Variants in RORA observed in about 807,000 individuals in gnomAD.
RORA encodes the protein nuclear receptor ROR-alpha.
Under a neutral mutation model 69.5 loss-of-function variants are expected in RORA, and 7 were observed. That is an observed-to-expected ratio of 0.10 (90% CI 0.06 to 0.19). The LOEUF (loss-of-function observed/expected upper bound fraction) is 0.19. Among genes scored for constraint, RORA ranks in the 10% least tolerant of loss-of-function variants. RORA has a pLI of 1.00. For synonymous variants in RORA, 261 were observed against 240.8 expected (o/e 1.08, Z -0.78); for missense variants, 457 against 663.0 (o/e 0.69, Z 3.41).
At chr15:61,042,408 C>T (rs1372115863) in intron 1 of RORA, among the ~76,000 whole-genome samples, 1 of 152,158 alleles carries the variant, frequency 6.6e-6, no homozygotes, top group Non-Finnish European at 1.5e-5. Flanking sequence ...CACACAAACA[C>T]ACAAACACAC....
At chr15:60,674,923 G>C (rs1184956752) in intron 2 of RORA, among the ~76,000 whole-genome samples, 2 of 152,134 alleles carry the variant, frequency 1.3e-5, no homozygotes, top group Non-Finnish European at 2.9e-5. Context: ...ACAAGGATGA[G>C]AACAGAAGGA....
At chr15:61,063,518 T>C (rs557640825) in intron 1 of RORA, among the ~76,000 whole-genome samples, 70 of 152,346 alleles carry the variant, frequency 4.6e-4, no homozygotes, top group African/African-American at 1.7e-3. Flanking sequence ...TGTACATTAG[T>C]ATGATCAACC....
intron 1 of RORA, among the ~76,000 whole-genome samples, chr15:61,152,450 T>A (rs1417914537): frequency 1.5e-5 from 2 of 137,234 alleles, no homozygotes; most frequent in Admixed American, 1.5e-4. Flanking sequence ...TAGTTAAATA[T>A]CATATATTTA....
intron 1 of RORA, among the ~76,000 whole-genome samples, chr15:61,109,035 A>G (rs537206030): frequency 9.2e-5 from 14 of 152,224 alleles, no homozygotes; most frequent in South Asian, 4.1e-4. Context: ...GTCTCTACTA[A>G]AAGTGCAAAA....
At position 60,903,909 on chromosome 15, in the gene RORA, G is replaced by A. The variant is rs76139509; in HGVS notation, c.167-225223C>T. On this transcript the variant is annotated intron_variant, in intron 1 of 10. Transcript: ENST00000335670. ...TTCATTGATTTGATAAGTTTGTGGG[G>A]GTACATTTTGCATTCATATACGACG... 9.7e-3 allele frequency among the ~76,000 whole-genome samples: 1,471 copies of A among 152,158 alleles called. 19 individuals are homozygous for A. The highest frequency in any genetic ancestry group is 0.033 in the African/African-American group (1,377 of 41,488).
At chr15:60,604,758 T>G (rs1460576249) in intron 2 of RORA, among the ~76,000 whole-genome samples, 1 of 152,214 alleles carries the variant, frequency 6.6e-6, no homozygotes, top group Non-Finnish European at 1.5e-5. Flanking sequence ...GTTCCAACAG[T>G]GGCTTTGTGA....
chr15:60,560,340 CCTTA>C (rs1489211468), intron 2 of RORA, among the ~76,000 whole-genome samples: 2 of 151,672 alleles, frequency 1.3e-5, no homozygotes, highest in East Asian at 3.9e-4. Context: ...CTAGTTACAC[CCTTA>C]CTATTTCATT....
At chr15:61,223,314 C>CAAAAAAAAAAAAAAAAAA in intron 1 of RORA, among the ~76,000 whole-genome samples, 1 of 96,258 alleles carries the variant, frequency 1.0e-5, no homozygotes, top group Non-Finnish European at 1.9e-5. Context: ...GACTCTGTCT[C>CAAAAAAAAAAAAAAAAAA]AAAAAAAAAA....
chr15:60,751,916 A>G (rs2071728287), intron 1 of RORA, among the ~76,000 whole-genome samples: 1 of 152,162 alleles, frequency 6.6e-6, no homozygotes, highest in Non-Finnish European at 1.5e-5. Context: ...CTATGACTCC[A>G]TGTCTAGGTA....
At chr15:60,975,853 C>T (rs756283342) in intron 1 of RORA, among the ~76,000 whole-genome samples, 2 of 152,218 alleles carry the variant, frequency 1.3e-5, no homozygotes, top group Non-Finnish European at 2.9e-5. Context: ...CACATGCACA[C>T]GTGCATACAT....
chr15:60,600,419 A>G (rs1051005578), intron 2 of RORA, among the ~76,000 whole-genome samples: 7 of 152,340 alleles, frequency 4.6e-5, no homozygotes, highest in African/African-American at 1.2e-4. Flanking sequence ...CCACATGTCA[A>G]TAGTGGTTTT....
intron 1 of RORA, among the ~76,000 whole-genome samples, chr15:60,738,888 G>C (rs1190663448): frequency 6.6e-6 from 1 of 152,194 alleles, no homozygotes; most frequent in Non-Finnish European, 1.5e-5. Context: ...AAAGTCCTCT[G>C]TCTTGTGGCA....
At chr15:61,037,615 T>G (rs1206023812) in intron 1 of RORA, among the ~76,000 whole-genome samples, 1 of 152,196 alleles carries the variant, frequency 6.6e-6, no homozygotes, top group Non-Finnish European at 1.5e-5. Context: ...GGAATGCAGA[T>G]CCAGTTAATT....
intron 2 of RORA, among the ~76,000 whole-genome samples, chr15:60,607,276 T>A (rs558650542): frequency 6.6e-6 from 1 of 152,162 alleles, no homozygotes; most frequent in Non-Finnish European, 1.5e-5. Flanking sequence ...TTATAATGAC[T>A]TTGAATCACT....
intron 3 of RORA, 57 bp from the exon 4 acceptor site, chr15:60,514,814 C>G (rs1338547180): frequency 1.4e-6 from 2 of 1,413,318 alleles, no homozygotes; most frequent in East Asian, 4.6e-5. Context: ...TGGTATGATA[C>G]TAAAGGCAGG....
In RORA at chr15:61,103,728, A is replaced by G. The variant is rs79798357; in HGVS notation, c.166+125325T>C. Among the ~76,000 whole-genome samples the G allele has an allele frequency of 1.9e-3, 287 of 152,324 alleles. 7 individuals carry two copies. The East Asian group carries it at 0.052, about 28-fold the overall frequency. ...CCCCCAGAACAGATCCAGATATGGC[A>G]GCCAGCAGATAAAGACCTTTATGTG... On this transcript the variant is annotated intron_variant, in intron 1 of 10. Coordinates refer to ENST00000335670, the MANE Select transcript of RORA (RefSeq NM_134261.3).
chr15:61,190,591 T>C (rs2079788781), intron 1 of RORA, among the ~76,000 whole-genome samples: 1 of 151,890 alleles, frequency 6.6e-6, no homozygotes, highest in Admixed American at 6.6e-5. Context: ...CGAAACCCCA[T>C]CTCTACAAAA....
chr15:60,777,549 C>T (rs1555452737), intron 1 of RORA, among the ~76,000 whole-genome samples: 2 of 152,166 alleles, frequency 1.3e-5, no homozygotes, highest in Non-Finnish European at 2.9e-5. Flanking sequence ...GCTAAAATAG[C>T]CTACTACCTA....
intron 1 of RORA, among the ~76,000 whole-genome samples, chr15:60,807,922 C>T (rs2072681835): frequency 6.6e-6 from 1 of 152,076 alleles, no homozygotes; most frequent in Non-Finnish European, 1.5e-5. Context: ...TACAAATATC[C>T]ACTCAAGATG....
Sources: allele counts gnomAD v4.1 joint callset (sites outside exome capture counted in the v4.1 genomes callset), GRCh38; gene constraint gnomAD v4.1.1; transcripts MANE v1.5; gene names NCBI Gene and HGNC (gene_info 2026-07-23, HGNC 2026-07-21).